Variants in PLA2G5 observed in about 807,000 individuals in gnomAD.
PLA2G5 encodes the protein Ca2+-dependent phospholipase A2.
Under a neutral mutation model 15.9 loss-of-function variants are expected in PLA2G5, and 12 were observed. The ratio of observed to expected loss-of-function variants is 0.76; its 90% CI spans 0.48 to 1.23. The LOEUF is 1.23. Among genes scored for constraint, PLA2G5 ranks in the 50% most tolerant of loss-of-function variants. PLA2G5 has a pLI of 0.00. For synonymous variants in PLA2G5, 71 were observed against 71.4 expected (o/e 0.99, Z 0.03); for missense variants, 169 against 177.1 (o/e 0.95, Z 0.26).
chr1:20,035,592 CTTAAGT>C (rs369767376), intron 1 of PLA2G5, among the ~76,000 whole-genome samples: 234 of 152,248 alleles, frequency 1.5e-3, no homozygotes, highest in Non-Finnish European at 2.5e-3. Context: ...ACCCCTATAC[CTTAAGT>C]TTAAGTGAGT....
intron 3 of PLA2G5, among the ~76,000 whole-genome samples, chr1:20,087,493 A>G (rs1165280717): frequency 6.6e-6 from 1 of 151,898 alleles, no homozygotes; most frequent in Non-Finnish European, 1.5e-5. Flanking sequence ...TCCTGGGTTC[A>G]TGCCGTTCTC....
chr1:20,086,158 C>T lies in PLA2G5; in HGVS notation c.116C>T (p.Thr39Ile), dbSNP rs2016277725. ...AAGGTGACAGGGAAGAACGCCCTGA[C>T]AAACTACGGCTTCTACGGCTGTTAC... is the stretch of plus-strand genomic sequence containing the variant. ...IEKVTGKNALTNYGFYGCYCG... is the reference protein window; with the variant it reads ...IEKVTGKNALINYGFYGCYCG... Residue 39 changes from threonine to isoleucine, a missense_variant, in exon 3 of 5, where the codon ACA (threonine) becomes ATA (isoleucine). Transcript: ENST00000375108. 6.2e-7 allele frequency: 1 copy of T among 1,614,150 alleles called. No homozygotes were observed. Among genetic ancestry groups the T allele is most frequent in the Non-Finnish European group, 8.5e-7 (1 of 1,180,016 alleles).
chr1:20,046,747 GT>G (rs1334325152), intron 1 of PLA2G5, among the ~76,000 whole-genome samples: 3 of 152,178 alleles, frequency 2.0e-5, no homozygotes, highest in Non-Finnish European at 4.4e-5. Context: ...CTTGGCATGT[GT>G]TATGGCAAAT....
chr1:20,072,072 C>T (rs1032254867), intron 1 of PLA2G5, among the ~76,000 whole-genome samples: 4 of 140,446 alleles, frequency 2.8e-5, no homozygotes, highest in South Asian at 2.3e-4. Context: ...CGCACCGCTG[C>T]GCTCCAGCCT....
At chr1:20,062,948 C>T (rs1051806110) in intron 2 of PLA2G5, among the ~76,000 whole-genome samples, 1 of 152,054 alleles carries the variant, frequency 6.6e-6, no homozygotes, top group Non-Finnish European at 1.5e-5. Flanking sequence ...ATCTGTGGCC[C>T]CAAGTTTCTA....
intron 1 of PLA2G5, among the ~76,000 whole-genome samples, chr1:20,043,142 A>G (rs1213982554): frequency 6.6e-6 from 1 of 152,110 alleles, no homozygotes; most frequent in African/African-American, 2.4e-5. Flanking sequence ...TGAGGGGTGT[A>G]GGGGAATAAT....
At chr1:20,072,967 C>G (rs2015463139) in intron 1 of PLA2G5, among the ~76,000 whole-genome samples, 1 of 152,154 alleles carries the variant, frequency 6.6e-6, no homozygotes, top group African/African-American at 2.4e-5. Context: ...CCTCTGCCCA[C>G]AAAATTGCTC....
intron 2 of PLA2G5, among the ~76,000 whole-genome samples, chr1:20,061,561 G>T (rs1363486085): frequency 1.4e-5 from 2 of 148,130 alleles, no homozygotes; most frequent in Non-Finnish European, 3.0e-5. Context: ...ACTCCAGCCT[G>T]GGCAACAGAG....
intron 2 of PLA2G5, among the ~76,000 whole-genome samples, chr1:20,061,701 A>G (rs1315239015): frequency 6.6e-6 from 1 of 152,180 alleles, no homozygotes; most frequent in Admixed American, 6.5e-5. Flanking sequence ...CTTACTCCAA[A>G]GGCCTTCCCC....
chr1:20,073,982 G>A (rs960710329), intron 1 of PLA2G5, among the ~76,000 whole-genome samples: 7 of 152,152 alleles, frequency 4.6e-5, no homozygotes, highest in East Asian at 1.9e-4. Context: ...GCAGGCATAA[G>A]GCACATGAGC....
chr1:20,071,484 C>T (rs11573200), intron 1 of PLA2G5, among the ~76,000 whole-genome samples: 2,224 of 152,222 alleles, frequency 0.015, 48 homozygotes, highest in African/African-American at 0.051. Flanking sequence ...TGTCCCTGTC[C>T]GCAGGTTGCT....
Position 20,079,857 on chromosome 1 carries a change from G to A in PLA2G5, c.-10-4964G>A, listed in dbSNP as rs961457010. Among the ~76,000 whole-genome samples, 3 of 152,158 alleles carry A rather than the reference G, an allele frequency of 2.0e-5. No homozygotes were observed. In the East Asian group the frequency reaches 5.8e-4, roughly 29 times the overall value. The stretch of plus-strand genomic sequence containing the variant: ...CCTGGCACTTTCCCCTTCCCTGAGA[G>A]AAGAACTGTAGGAAGTTAGCACAGA... On this transcript the variant is annotated intron_variant, in intron 1 of 4. Coordinates refer to ENST00000375108, the MANE Select transcript of PLA2G5 (RefSeq NM_000929.3).
intron 1 of PLA2G5, among the ~76,000 whole-genome samples, chr1:20,081,473 G>A (rs1312269503): frequency 1.3e-5 from 2 of 151,934 alleles, no homozygotes; most frequent in African/African-American, 4.9e-5. Flanking sequence ...CGCAGGAAGT[G>A]CCAGGTCGGC....
intron 1 of PLA2G5, among the ~76,000 whole-genome samples, chr1:20,071,771 G>T (rs1416279232): frequency 6.6e-6 from 1 of 152,072 alleles, no homozygotes; most frequent in East Asian, 1.9e-4. Flanking sequence ...CTTTACTCAA[G>T]TGTCACCTCC....
At chr1:20,044,102 C>CCTGGG (rs1234530686) in intron 1 of PLA2G5, among the ~76,000 whole-genome samples, 1 of 152,168 alleles carries the variant, frequency 6.6e-6, no homozygotes, top group Non-Finnish European at 1.5e-5. Context: ...TGGGAGGAAT[C>CCTGGG]CTGGGCTGTG....
intron 1 of PLA2G5, among the ~76,000 whole-genome samples, chr1:20,051,827 T>G (rs1343178311): frequency 3.3e-5 from 5 of 152,116 alleles, no homozygotes. Context: ...CTGAGGTAAG[T>G]AAAGAATGAC....
At chr1:20,037,509 G>A (rs1307620522) in intron 1 of PLA2G5, among the ~76,000 whole-genome samples, 1 of 152,220 alleles carries the variant, frequency 6.6e-6, no homozygotes, top group African/African-American at 2.4e-5. Context: ...AGTTTTATTT[G>A]GTGTGCTGGT....
intron 1 of PLA2G5, among the ~76,000 whole-genome samples, chr1:20,054,334 G>C (rs1271371045): frequency 6.6e-6 from 1 of 152,174 alleles, no homozygotes; most frequent in Admixed American, 6.5e-5. Flanking sequence ...ACTCACTGGA[G>C]GTCCCTCTAG....
chr1:20,034,222 G>A (rs1260104416), intron 1 of PLA2G5, among the ~76,000 whole-genome samples: 1 of 152,126 alleles, frequency 6.6e-6, no homozygotes, highest in Non-Finnish European at 1.5e-5. Context: ...GTTCAGCTAG[G>A]TCCTTGGTGA....
Sources: gnomAD v4.1 joint callset for allele counts (sites outside exome capture counted in the v4.1 genomes callset) on GRCh38, gnomAD v4.1.1 for gene constraint, MANE v1.5 for transcripts, NCBI Gene and HGNC (gene_info 2026-07-23, HGNC 2026-07-21) for gene names.